ADGRL4: variants seen among roughly 807,000 people sequenced by gnomAD.
ADGRL4 encodes the protein adhesion G protein-coupled receptor L4, also known as EGF, latrophilin and seven transmembrane domain containing 1.
Under a neutral mutation model 74.8 loss-of-function variants are expected in ADGRL4, and 90 were observed. That is an observed-to-expected ratio of 1.20 (90% CI 1.02 to 1.43). ADGRL4 has a LOEUF of 1.43. Ranked by LOEUF, ADGRL4 falls within the 40% of genes most tolerant of loss-of-function variation. The pLI is 0.00. For missense variants in ADGRL4, 881 were observed against 814.3 expected (o/e 1.08, Z -1.00); for synonymous variants, 311 against 279.2 (o/e 1.11, Z -1.14).
At chr1:78,977,225 C>T (rs1021305615) in intron 2 of ADGRL4, among the ~76,000 whole-genome samples, 5 of 151,784 alleles carry the variant, frequency 3.3e-5, no homozygotes, top group Non-Finnish European at 5.9e-5. Flanking sequence ...CCAACATCCA[C>T]TCATGATTAA....
intron 12 of ADGRL4, among the ~76,000 whole-genome samples, chr1:78,904,786 T>C (rs1006184361): frequency 3.3e-5 from 5 of 152,060 alleles, no homozygotes; most frequent in Non-Finnish European, 5.9e-5. Flanking sequence ...AAAATGTGGA[T>C]AGTATTAGTA....
At chr1:78,950,395 G>A (rs1036391902) in intron 2 of ADGRL4, among the ~76,000 whole-genome samples, 22 of 152,092 alleles carry the variant, frequency 1.4e-4, no homozygotes, top group African/African-American at 5.1e-4. Context: ...GAAAACGCTT[G>A]CCAAGAATTT....
intron 12 of ADGRL4, among the ~76,000 whole-genome samples, chr1:78,915,551 C>T (rs1211943813): frequency 2.6e-5 from 4 of 151,804 alleles, no homozygotes; most frequent in African/African-American, 4.8e-5. Flanking sequence ...ACATTGTCCT[C>T]CCCTAAAGGC....
intron 12 of ADGRL4, among the ~76,000 whole-genome samples, chr1:78,896,389 A>G (rs1648400450): frequency 6.6e-6 from 1 of 152,074 alleles, no homozygotes; most frequent in Admixed American, 6.6e-5. Flanking sequence ...CTCCATTTGG[A>G]AGTCTAATAG....
intron 9 of ADGRL4, among the ~76,000 whole-genome samples, chr1:78,921,040 T>G (rs1414910630): frequency 1.4e-5 from 2 of 143,020 alleles, no homozygotes; most frequent in South Asian, 2.2e-4. Context: ...AAAATGGAGA[T>G]GATAGCACAG....
chr1:78,916,247 T>G (rs1011634668), intron 12 of ADGRL4, among the ~76,000 whole-genome samples: 1 of 151,920 alleles, frequency 6.6e-6, no homozygotes, highest in African/African-American at 2.4e-5. Flanking sequence ...TTTTGTTGTT[T>G]TAATATAATT....
chr1:78,926,761 C>A, intron 8 of ADGRL4, 125 bp downstream of exon 8: 1 of 689,744 alleles, frequency 1.4e-6, no homozygotes, highest in Non-Finnish European at 2.3e-6. Context: ...AACTACTTCA[C>A]TCTTTTAATT....
intron 2 of ADGRL4, among the ~76,000 whole-genome samples, chr1:78,971,095 A>G (rs1016726303): frequency 1.3e-5 from 2 of 152,074 alleles, no homozygotes; most frequent in African/African-American, 4.8e-5. Flanking sequence ...CCAAATGGTC[A>G]TGCAGTCATG....
chr1:78,947,477 C>T (rs751194506), intron 2 of ADGRL4, among the ~76,000 whole-genome samples: 19 of 152,148 alleles, frequency 1.2e-4, no homozygotes, highest in Non-Finnish European at 2.4e-4. Context: ...GGATTCTTCC[C>T]TAGACGTTTT....
intron 2 of ADGRL4, among the ~76,000 whole-genome samples, chr1:78,973,983 A>G (rs895597769): frequency 6.6e-6 from 1 of 152,138 alleles, no homozygotes; most frequent in South Asian, 2.1e-4. Context: ...AGATGAAAAT[A>G]TAGCTTCTTT....
intron 2 of ADGRL4, among the ~76,000 whole-genome samples, chr1:78,951,068 T>C (rs1029653211): frequency 6.6e-6 from 1 of 152,170 alleles, no homozygotes; most frequent in Non-Finnish European, 1.5e-5. Context: ...TTCAAGAGCA[T>C]GGCATTTCTC....
intron 7 of ADGRL4, among the ~76,000 whole-genome samples, chr1:78,930,716 T>G (rs1649223196): frequency 6.6e-6 from 1 of 151,366 alleles, no homozygotes; most frequent in African/African-American, 2.5e-5. Context: ...CACAAAGTGT[T>G]GGGATTACAG....
intron 7 of ADGRL4, among the ~76,000 whole-genome samples, chr1:78,932,142 C>T (rs1649256345): frequency 6.6e-6 from 1 of 151,588 alleles, no homozygotes; most frequent in Admixed American, 6.6e-5. Context: ...CTCAGTGCCA[C>T]ATGGCACTTA....
intron 8 of ADGRL4, among the ~76,000 whole-genome samples, chr1:78,923,892 T>C (rs1200212387): frequency 1.3e-5 from 2 of 151,930 alleles, no homozygotes; most frequent in Non-Finnish European, 2.9e-5. Flanking sequence ...GCAGAGATAC[T>C]GTACAGGGAG....
intron 2 of ADGRL4, among the ~76,000 whole-genome samples, chr1:78,995,541 G>C (rs1406264921): frequency 6.6e-6 from 1 of 152,164 alleles, no homozygotes; most frequent in East Asian, 1.9e-4. Flanking sequence ...AGAGATCAGA[G>C]TTTAACACAA....
intron 2 of ADGRL4, among the ~76,000 whole-genome samples, chr1:78,994,443 G>A (rs1003903668): frequency 2.6e-5 from 4 of 152,090 alleles, no homozygotes; most frequent in Admixed American, 1.3e-4. Context: ...CAGAATTGTC[G>A]CATTTTGCAG....
chr1:79,006,574 C>A (rs1035497955), intron 1 of ADGRL4, 59 bp downstream of exon 1: 75 of 1,530,634 alleles, frequency 4.9e-5, no homozygotes, highest in Non-Finnish European at 6.2e-5. Context: ...AAAATCCAGT[C>A]CCCTACAAGG....
chr1:78,967,470 A>G (rs1003554707), intron 2 of ADGRL4, among the ~76,000 whole-genome samples: 3 of 152,226 alleles, frequency 2.0e-5, no homozygotes, highest in Non-Finnish European at 4.4e-5. Context: ...ACTACTGAGA[A>G]TAGATTTACA....
At chr1:79,006,591 T>G (rs1557528519) in intron 1 of ADGRL4, 42 bp downstream of exon 1, 4 of 1,533,388 alleles carry the variant, frequency 2.6e-6, no homozygotes, top group Non-Finnish European at 8.8e-7. Context: ...AAGGGATTGG[T>G]CCCTCCGACG....
Sources: allele counts gnomAD v4.1 joint callset (sites outside exome capture counted in the v4.1 genomes callset), GRCh38; gene constraint gnomAD v4.1.1; transcripts MANE v1.5; gene names NCBI Gene and HGNC (gene_info 2026-07-23, HGNC 2026-07-21).